TCFL5: variants seen among roughly 807,000 people sequenced by gnomAD.
The protein encoded by TCFL5 is transcription factor like 5, also known as transcription factor-like 5 protein.
A neutral mutation model predicts 44.3 loss-of-function variants in TCFL5; 9 were observed. The observed-to-expected ratio is 0.20, with a 90% CI of 0.12 to 0.35. The LOEUF is 0.35. Ranked by LOEUF, TCFL5 falls within the 10% of genes least tolerant of loss-of-function variation. The pLI is 1.00. For synonymous variants in TCFL5, 319 were observed against 271.6 expected (o/e 1.17, Z -1.72); for missense variants, 603 against 613.4 (o/e 0.98, Z 0.18).
At chr20:62,850,017 A>G (rs1018821560) in intron 5 of TCFL5, among the ~76,000 whole-genome samples, 1 of 152,176 alleles carries the variant, frequency 6.6e-6, no homozygotes, top group Non-Finnish European at 1.5e-5. Flanking sequence ...AGTGGCAATA[A>G]AAGAACATTT....
chr20:62,847,727 A>C (rs965224391), intron 5 of TCFL5, among the ~76,000 whole-genome samples: 2 of 152,252 alleles, frequency 1.3e-5, no homozygotes, highest in Non-Finnish European at 1.5e-5. Flanking sequence ...ATCCGTATGT[A>C]GGCCAGGCGC....
chr20:62,846,620 G>A (rs1487302810), intron 5 of TCFL5, among the ~76,000 whole-genome samples: 3 of 151,984 alleles, frequency 2.0e-5, no homozygotes, highest in South Asian at 2.1e-4. Context: ...ACAACAAGAC[G>A]GGTGCGGTGG....
intron 5 of TCFL5, among the ~76,000 whole-genome samples, chr20:62,848,630 C>T (rs372711611): frequency 4.7e-4 from 71 of 151,424 alleles, no homozygotes; most frequent in Non-Finnish European, 8.7e-4. Context: ...CCCAGCTACT[C>T]GGGAGGCTGA....
Position 62,860,176 on chromosome 20 carries a change from A to G in TCFL5, c.780T>C (p.Phe260=), listed in dbSNP as rs750514335. ...TTALQFTYPL[F]TTNACSTSGN... Reference sequence around the variant, plus strand: ...CACTAGTAGAGCAAGCATTTGTAGTAAACAGTGGGTATGTAAATTGCAAAG... The same window carrying G: ...CACTAGTAGAGCAAGCATTTGTAGTGAACAGTGGGTATGTAAATTGCAAAG... The change falls in exon 2 of 6, where the codon TTT becomes TTC. Residue 260 remains phenylalanine, a synonymous_variant. Transcript: ENST00000335351. 1.2e-6 allele frequency: 2 copies of G among 1,613,804 alleles called. No individual in the cohort carries two copies. Among genetic ancestry groups the G allele is most frequent in the Non-Finnish European group, 8.5e-7 (1 of 1,179,674 alleles).
At chr20:62,853,362 G>C (rs2147269899) in intron 5 of TCFL5, among the ~76,000 whole-genome samples, 1 of 151,806 alleles carries the variant, frequency 6.6e-6, no homozygotes, top group South Asian at 2.1e-4. Context: ...GGTGGGTGGG[G>C]GTGGGGCAGG....
chr20:62,851,444 CAAT>C (rs1352019969), intron 5 of TCFL5: 55 of 796,278 alleles, frequency 6.9e-5, no homozygotes, highest in African/African-American at 1.1e-4. Context: ...TAAATCAGAT[CAAT>C]AATGATTTAC....
At chr20:62,851,433 G>A (rs2063808424) in intron 5 of TCFL5, 1 of 765,574 alleles carries the variant, frequency 1.3e-6, no homozygotes, top group Non-Finnish European at 1.6e-6. Flanking sequence ...TTCGTCTTGA[G>A]TAAATCAGAT....
chr20:62,844,288 T>C (rs1023326452), intron 5 of TCFL5, among the ~76,000 whole-genome samples: 4 of 152,260 alleles, frequency 2.6e-5, no homozygotes, highest in Admixed American at 2.6e-4. Context: ...GTAAAAGTAG[T>C]ATCTCATTGG....
intron 5 of TCFL5, chr20:62,845,322 C>T (rs893426678): frequency 1.4e-5 from 13 of 929,506 alleles, no homozygotes; most frequent in South Asian, 1.1e-4. Context: ...GGGGTCACAC[C>T]GTATTGGCCA....
At chr20:62,854,589 G>A (rs930992957) in intron 4 of TCFL5, among the ~76,000 whole-genome samples, 49 of 152,288 alleles carry the variant, frequency 3.2e-4, no homozygotes, top group African/African-American at 1.1e-3. Context: ...TGCCCTTCAC[G>A]GGCTAAATAC....
chr20:62,858,593 G>A (rs905377947), intron 3 of TCFL5, among the ~76,000 whole-genome samples: 1 of 152,164 alleles, frequency 6.6e-6, no homozygotes, highest in African/African-American at 2.4e-5. Flanking sequence ...TTCTTTTTTC[G>A]GGTCACTTCA....
At position 62,861,325 on chromosome 20, in the gene TCFL5, C is replaced by T. The variant is rs866950002; in HGVS notation, c.346G>A (p.Ala116Thr). 1 of 1,147,602 alleles carries T rather than the reference C, an allele frequency of 8.7e-7. No homozygotes were observed. Among genetic ancestry groups the T allele is most frequent in the Non-Finnish European group, 1.1e-6 (1 of 922,978 alleles). 71.1% of individuals were successfully genotyped at this position (1,147,602 alleles called of 1,614,324 possible). Residue 116 changes from alanine to threonine, a missense_variant, in exon 1 of 6, where the codon GCC (alanine) becomes ACC (threonine). Around this residue, in one of 4 missense-constraint regions of TCFL5, gnomAD observed 540 missense variants for 478.7 expected, o/e 1.13. Transcript: ENST00000335351. The surrounding 1 kb of genome is among the most constrained non-coding windows in gnomAD (Gnocchi z 4.0). ...ATGTGGCCCAGGCAGGGCGCGTCGGCCGCCAGCGCGGACGGGCACAGCACG... is the reference window on the plus strand; with the variant it reads ...ATGTGGCCCAGGCAGGGCGCGTCGGTCGCCAGCGCGGACGGGCACAGCACG... Reference protein sequence around the residue: ...YPVLCPSALAADAPCLGHIDF... With the variant: ...YPVLCPSALATDAPCLGHIDF...
chr20:62,849,668 T>C (rs2147258899), intron 5 of TCFL5, among the ~76,000 whole-genome samples: 1 of 151,852 alleles, frequency 6.6e-6, no homozygotes, highest in Non-Finnish European at 1.5e-5. Context: ...CTACAAAAAT[T>C]AAAAAACTAG....
At chr20:62,853,197 G>T (rs560638585) in intron 5 of TCFL5, among the ~76,000 whole-genome samples, 5 of 151,468 alleles carry the variant, frequency 3.3e-5, no homozygotes, top group Admixed American at 2.0e-4. Flanking sequence ...CAGAAGTATA[G>T]TCACCCAGTC....
intron 4 of TCFL5, among the ~76,000 whole-genome samples, chr20:62,855,267 C>T (rs2063869955): frequency 6.6e-6 from 1 of 152,142 alleles, no homozygotes; most frequent in Non-Finnish European, 1.5e-5. Flanking sequence ...TCAAGTGATC[C>T]TCCCACACCT....
chr20:62,841,799 C>T lies in TCFL5; in HGVS notation c.*176G>A, dbSNP rs1392259764. ...GAGGACATTCATGGATAAGCATTTG[C>T]GTCTAGATAAATATTTTTACAAAAT... On this transcript the variant is annotated 3_prime_UTR_variant, in exon 6 of 6. Coordinates refer to ENST00000335351, the MANE Select transcript of TCFL5 (RefSeq NM_006602.4). 6.1e-6 allele frequency: 4 copies of T among 659,750 alleles called. No individual in the cohort carries two copies. Among genetic ancestry groups the T allele is most frequent in the African/African-American group, 5.6e-5 (3 of 54,038 alleles). The allele number at this position is 659,750 out of a possible 1,614,324, so 40.9% of individuals were successfully genotyped here. A position where few individuals can be genotyped will look rare whatever the true frequency, so the allele number is the denominator to read the frequency against.
chr20:62,857,283 T>A (rs2063908331), intron 4 of TCFL5, 112 bp downstream of exon 4: 1 of 1,432,012 alleles, frequency 7.0e-7, no homozygotes, highest in Non-Finnish European at 9.5e-7. Flanking sequence ...TGCTCCTACC[T>A]GCTTTATTCC....
chr20:62,860,636 G>A (rs1175402634), intron 1 of TCFL5, among the ~76,000 whole-genome samples: 2 of 152,216 alleles, frequency 1.3e-5, no homozygotes, highest in African/African-American at 4.8e-5. Context: ...CATCCCTGAG[G>A]GTCGCCAAGG....
chr20:62,857,558 G>C lies in TCFL5; in HGVS notation c.1075C>G (p.Leu359Val). The C allele has an allele frequency of 6.2e-7, 1 of 1,614,208 alleles. No individual in the cohort carries two copies. Among genetic ancestry groups the C allele is most frequent in the Non-Finnish European group, 8.5e-7 (1 of 1,180,048 alleles). ...TCGCCCACATTCTGAATCTCTCCAA[G>C]GGCTCTTCGCTCTACATTTGTGTCC... ...QLDTNVERRA[L>V]GEIQNVGEGA... is the part of the protein sequence containing the mutation. Residue 359 changes from leucine to valine, a missense_variant, in exon 4 of 6, where the codon CTT (leucine) becomes GTT (valine). Transcript: ENST00000335351.
Sources: gnomAD v4.1 joint callset for allele counts (sites outside exome capture counted in the v4.1 genomes callset) on GRCh38, gnomAD v4.1.1 for gene constraint, gnomAD v4.1.1 regional missense constraint, Gnocchi (gnomAD v3.1) non-coding constraint, MANE v1.5 for transcripts, NCBI Gene and HGNC (gene_info 2026-07-23, HGNC 2026-07-21) for gene names.